The following SGCD variants were observed in gnomAD, a reference collection of about 807,000 sequenced individuals.
SGCD encodes the protein delta-sarcoglycan.
Under a neutral mutation model 36.6 loss-of-function variants are expected in SGCD, and 18 were observed. The ratio of observed to expected loss-of-function variants is 0.49; its 90% CI spans 0.34 to 0.73. SGCD has a LOEUF of 0.73. SGCD is among the 30% of genes least tolerant of loss of function. The probability of loss-of-function intolerance (pLI) is 0.01; values close to 1 mark genes in which losing one functional copy is unlikely to be tolerated. For missense variants in SGCD, 387 were observed against 346.7 expected (o/e 1.12, Z -0.92); for synonymous variants, 133 against 130.6 (o/e 1.02, Z -0.12).
At chr5:156,691,271 G>T (rs1047380449) in intron 7 of SGCD, among the ~76,000 whole-genome samples, 1 of 141,026 alleles carries the variant, frequency 7.1e-6, no homozygotes, top group Non-Finnish European at 1.5e-5. Flanking sequence ...GAACTGCATT[G>T]TCTACTAGGT....
At chr5:156,557,723 CCCTG>C (rs1759083892) in intron 4 of SGCD, among the ~76,000 whole-genome samples, 1 of 152,020 alleles carries the variant, frequency 6.6e-6, no homozygotes. Flanking sequence ...AACAGAGTAG[CCCTG>C]CCTCCAGAAA....
chr5:156,334,194 G>T (rs1385961073), intron 2 of SGCD, among the ~76,000 whole-genome samples: 1 of 152,026 alleles, frequency 6.6e-6, no homozygotes, highest in Non-Finnish European at 1.5e-5. Flanking sequence ...TCATTATCTG[G>T]TTCTGGTGGG....
At chr5:156,493,415 TA>T (rs1310324361) in intron 3 of SGCD, among the ~76,000 whole-genome samples, 1 of 152,176 alleles carries the variant, frequency 6.6e-6, no homozygotes, top group Non-Finnish European at 1.5e-5. Flanking sequence ...ACTTGACATG[TA>T]AAATGAGCCA....
intron 7 of SGCD, among the ~76,000 whole-genome samples, chr5:156,726,666 C>G (rs1350995743): frequency 6.6e-6 from 1 of 152,208 alleles, no homozygotes; most frequent in African/African-American, 2.4e-5. Context: ...GTTTCTTTCT[C>G]CTTAAGGTCC....
chr5:155,817,944 A>C, the SGCD span, among the ~76,000 whole-genome samples: 1 of 152,232 alleles, frequency 6.6e-6, no homozygotes, highest in Non-Finnish European at 1.5e-5. Context: ...AAATAAAGCA[A>C]AGTTGTTTTA....
At chr5:156,182,078 T>G (rs1324295255) in intron 3 of SGCD, among the ~76,000 whole-genome samples, 1 of 152,220 alleles carries the variant, frequency 6.6e-6, no homozygotes, top group Non-Finnish European at 1.5e-5. Flanking sequence ...AAGTTAACAT[T>G]GTCAGATTCA....
intron 3 of SGCD, among the ~76,000 whole-genome samples, chr5:156,258,589 C>G (rs1041665775): frequency 9.8e-5 from 15 of 152,300 alleles, no homozygotes; most frequent in African/African-American, 3.6e-4. Flanking sequence ...CTACCTTTCT[C>G]TATGTGGTCA....
intron 3 of SGCD, among the ~76,000 whole-genome samples, chr5:156,133,266 GA>G (rs796381730): frequency 3.7e-4 from 57 of 152,256 alleles, no homozygotes; most frequent in African/African-American, 1.3e-3. Context: ...AAAGCAGATT[GA>G]GCTAAAGAAA....
At chr5:156,185,221 T>TC (rs1480253196) in intron 3 of SGCD, among the ~76,000 whole-genome samples, 1 of 148,304 alleles carries the variant, frequency 6.7e-6, no homozygotes, top group Admixed American at 6.7e-5. Flanking sequence ...TCTTTTTTTT[T>TC]TTTTTTTTTT....
intron 3 of SGCD, among the ~76,000 whole-genome samples, chr5:156,373,434 G>T (rs1036672042): frequency 2.0e-5 from 3 of 152,126 alleles, no homozygotes; most frequent in Non-Finnish European, 2.9e-5. Context: ...CAATGAGACC[G>T]CCCAAGGCTA....
rs113128299 is a variant in SGCD at position 156,557,978 on chromosome 5, A to G, written c.295-31253A>G. On this transcript the variant is annotated intron_variant, in intron 4 of 8. Transcript: ENST00000337851. ...GAAACATTATTCTTGAGGAAGGACT[A>G]TGTCTTTTTTGTATTCCCAGTGCCT... Among the ~76,000 whole-genome samples the G allele has an allele frequency of 2.8e-3, 429 of 151,380 alleles. 3 individuals are homozygous for G. Among genetic ancestry groups the G allele is most frequent in the Non-Finnish European group, 4.3e-3 (289 of 67,808 alleles).
chr5:156,655,951 C>G (rs1177069589), intron 7 of SGCD, among the ~76,000 whole-genome samples: 1 of 152,030 alleles, frequency 6.6e-6, no homozygotes, highest in Non-Finnish European at 1.5e-5. Flanking sequence ...CCTTTGAATG[C>G]CTTCCTTGCT....
At chr5:156,189,675 C>T (rs934317043) in intron 3 of SGCD, among the ~76,000 whole-genome samples, 6 of 151,718 alleles carry the variant, frequency 4.0e-5, no homozygotes, top group Admixed American at 6.6e-5. Flanking sequence ...AGAATAAATC[C>T]GGAAAATAAA....
At chr5:156,015,312 G>A (rs1427116231) in intron 1 of SGCD, among the ~76,000 whole-genome samples, 3 of 152,128 alleles carry the variant, frequency 2.0e-5, no homozygotes, top group East Asian at 3.9e-4. Flanking sequence ...TTATTTTGCT[G>A]CTAAATTTAT....
chr5:155,841,946 A>C, the SGCD span, among the ~76,000 whole-genome samples: 1 of 152,188 alleles, frequency 6.6e-6, no homozygotes, highest in Admixed American at 6.5e-5. Context: ...CAACTAGATC[A>C]ATAGAAATCC....
At chr5:156,158,151 G>A (rs1763007334) in intron 3 of SGCD, among the ~76,000 whole-genome samples, 1 of 151,236 alleles carries the variant, frequency 6.6e-6, no homozygotes, top group South Asian at 2.1e-4. Context: ...AGAAACTAAA[G>A]CTACTGATCA....
intron 4 of SGCD, among the ~76,000 whole-genome samples, chr5:156,538,105 G>GAA (rs112252812): frequency 0.021 from 3,174 of 148,262 alleles, 40 homozygotes; most frequent in Non-Finnish European, 0.03. Context: ...AATATATTTG[G>GAA]AAAAAAAAAA....
the SGCD span, among the ~76,000 whole-genome samples, chr5:155,768,429 A>G: frequency 6.6e-6 from 1 of 152,122 alleles, no homozygotes; most frequent in African/African-American, 2.4e-5. Flanking sequence ...CAATAAAGGA[A>G]AAGGAGCTTC....
At chr5:155,770,207 T>C in the SGCD span, among the ~76,000 whole-genome samples, 1 of 152,018 alleles carries the variant, frequency 6.6e-6, no homozygotes, top group Admixed American at 6.6e-5. Flanking sequence ...TTTTACAACT[T>C]GGGAGAAGCA....
Sources: gnomAD v4.1 joint callset for allele counts (sites outside exome capture counted in the v4.1 genomes callset) on GRCh38, gnomAD v4.1.1 for gene constraint, MANE v1.5 for transcripts, NCBI Gene and HGNC (gene_info 2026-07-23, HGNC 2026-07-21) for gene names.